ZNF324B: variants seen among roughly 807,000 people sequenced by gnomAD.
The protein encoded by ZNF324B is zinc finger protein 324B.
Under a neutral mutation model 10.6 loss-of-function variants are expected in ZNF324B, and 7 were observed. That is an observed-to-expected ratio of 0.66 (90% CI 0.38 to 1.24). The LOEUF (loss-of-function observed/expected upper bound fraction) is 1.24, where lower values mean the gene tolerates loss of function less well. Among genes scored for constraint, ZNF324B ranks in the 50% most tolerant of loss-of-function variants. The pLI, the probability that ZNF324B is intolerant of heterozygous loss-of-function variation, is 0.02. For missense variants in ZNF324B, 640 were observed against 764.7 expected, an observed-to-expected ratio of 0.84 and a Z score of 1.92; for synonymous variants, 316 against 321.0, an observed-to-expected ratio of 0.98 and a Z score of 0.17.
the ZNF324B span, among the ~76,000 whole-genome samples, chr19:58,419,499 G>C: frequency 1.3e-5 from 2 of 152,200 alleles, no homozygotes; most frequent in Admixed American, 1.3e-4. Context: ...AGCAACTGAG[G>C]TTTCCTGGGG....
chr19:58,430,427 G>T, the ZNF324B span: 1 of 152,258 alleles, frequency 6.6e-6, no homozygotes, highest in African/African-American at 2.4e-5. Context: ...AACTAATACA[G>T]ATGGCTTCTG....
At chr19:58,453,493 CAAG>C (rs936447033) in intron 1 of ZNF324B, among the ~76,000 whole-genome samples, 200 bp from the exon 2 acceptor site, 1 of 151,882 alleles carries the variant, frequency 6.6e-6, no homozygotes, top group African/African-American at 2.4e-5. Flanking sequence ...GTGGGGAAGT[CAAG>C]AAGCCATCTG....
At position 58,452,255 on chromosome 19, in the gene ZNF324B, G is replaced by T. The variant is rs538262406; in HGVS notation, c.-7+551G>T. On this transcript the variant is annotated intron_variant, in intron 1 of 3. Coordinates refer to ENST00000336614, the MANE Select transcript of ZNF324B (RefSeq NM_207395.3). ...AGCCCAGATGCTTCTGGGACTGAGC[G>T]CTCTCGATGTGGAGCTGGAGTAGAG... is the stretch of plus-strand genomic sequence containing the variant. 6.7e-3 allele frequency: 1,019 copies of T among 151,152 alleles called. 5 individuals are homozygous for T. The highest frequency in any genetic ancestry group is 0.01 in the Non-Finnish European group (693 of 67,592). The allele number at this position is 151,152 out of a possible 1,614,324, so 9.4% of individuals were successfully genotyped here.
At position 58,451,678 on chromosome 19, in the gene ZNF324B, C is replaced by T. The variant is rs754111073; in HGVS notation, c.-33C>T. 6.0e-6 allele frequency: 3 copies of T among 502,886 alleles called. No homozygotes were observed. The highest frequency in any genetic ancestry group is 2.0e-5 in the Admixed American group (1 of 48,886). 31.2% of individuals were successfully genotyped at this position (502,886 alleles called of 1,614,324 possible). ...GTGGTCTGGGCTGTGGCGCGCGGGT[C>T]GGGGCCCGAGGCGGGCGGCCAGGAA... On this transcript the variant is annotated 5_prime_UTR_variant, in exon 1 of 4. Coordinates refer to ENST00000336614, the MANE Select transcript of ZNF324B (RefSeq NM_207395.3).
the ZNF324B span, chr19:58,439,921 G>A: frequency 1.6e-5 from 20 of 1,272,028 alleles, no homozygotes; most frequent in South Asian, 8.3e-5. Flanking sequence ...TGCAAAATGC[G>A]CGCAAGGCCT....
rs776334619 is a variant in ZNF324B at position 58,456,375 on chromosome 19, C to T, written c.1431C>T (p.Gly477=). Residue 477 remains glycine, a synonymous_variant, in exon 4 of 4, where the codon GGC becomes GGT. Transcript: ENST00000336614. The surrounding 1 kb of genome is among the most constrained non-coding windows in gnomAD (Gnocchi z 4.7). ...TCAGCCACCGGCGCATTCACACGGG[C>T]GAGAAGCCCTTCGTGTGCACGCAGT... is the stretch of plus-strand genomic sequence containing the variant. ...VLLSHRRIHT[G]EKPFVCTQCG... The T allele has an allele frequency of 6.2e-7, 1 of 1,612,906 alleles. No homozygotes were observed. Among genetic ancestry groups the T allele is most frequent in the Non-Finnish European group, 8.5e-7 (1 of 1,180,010 alleles).
At chr19:58,422,517 C>CA in the ZNF324B span, among the ~76,000 whole-genome samples, 29 of 151,996 alleles carry the variant, frequency 1.9e-4, no homozygotes, top group Non-Finnish European at 3.2e-4. Flanking sequence ...TAGACCCCAC[C>CA]AAAAAAACTC....
Position 58,455,727 on chromosome 19 carries a change from G to A in ZNF324B, c.783G>A (p.Ala261=), listed in dbSNP as rs1256425358. The A allele has an allele frequency of 1.9e-6, 3 of 1,613,762 alleles. No homozygotes were observed. Among genetic ancestry groups the A allele is most frequent in the South Asian group, 1.1e-5 (1 of 91,062 alleles). ...HAGEKSFECR[A]CSKVFVKSSD... Reference sequence around the variant, plus strand: ...GGGAGAAGTCCTTCGAATGCAGGGCGTGCAGCAAAGTGTTCGTGAAGAGCT... The same window carrying A: ...GGGAGAAGTCCTTCGAATGCAGGGCATGCAGCAAAGTGTTCGTGAAGAGCT... The change falls in exon 4 of 4, where the codon GCG becomes GCA. Residue 261 remains alanine, a synonymous_variant. Coordinates refer to ENST00000336614, the MANE Select transcript of ZNF324B (RefSeq NM_207395.3). The surrounding 1 kb of genome is among the most constrained non-coding windows in gnomAD (Gnocchi z 7.0).
In ZNF324B at chr19:58,456,181, T is replaced by A; in HGVS notation, c.1237T>A (p.Phe413Ile). ...TGCCTTCAGCCAGGGCTCCTCGCTCTTTTTGCACCAGCGCGTGCACACAGG... is the reference window on the plus strand; with the variant it reads ...TGCCTTCAGCCAGGGCTCCTCGCTCATTTTGCACCAGCGCGTGCACACAGG... ...GAAFSQGSSL[F>I]LHQRVHTGEK... Residue 413 changes from phenylalanine (F) to isoleucine (I), a missense_variant, in exon 4 of 4, where the codon TTT becomes ATT. Around this residue, in one of 3 missense-constraint regions of ZNF324B, gnomAD observed 238 missense variants for 258.0 expected, o/e 0.92. Transcript: ENST00000336614. The surrounding 1 kb of genome is among the most constrained non-coding windows in gnomAD (Gnocchi z 4.7). 1.2e-6 allele frequency: 2 copies of A among 1,612,892 alleles called. No individual in the cohort carries two copies. Among genetic ancestry groups the A allele is most frequent in the Non-Finnish European group, 1.7e-6 (2 of 1,179,682 alleles).
the ZNF324B span, chr19:58,429,296 A>G: frequency 6.6e-6 from 1 of 152,240 alleles, no homozygotes; most frequent in Non-Finnish European, 1.5e-5. Flanking sequence ...CAGATCCAGG[A>G]GTGAGTGATT....
chr19:58,438,147 C>T, the ZNF324B span, among the ~76,000 whole-genome samples: 3 of 152,158 alleles, frequency 2.0e-5, no homozygotes, highest in African/African-American at 2.4e-5. Context: ...GCAAATCAAC[C>T]TAAACCAAAG....
upstream of ZNF324B, among the ~76,000 whole-genome samples, chr19:58,447,258 G>T (rs1008526598): frequency 6.6e-6 from 1 of 152,140 alleles, no homozygotes; most frequent in Admixed American, 6.5e-5. Flanking sequence ...GATTACTGGC[G>T]TGAGCCACCA....
the ZNF324B span, among the ~76,000 whole-genome samples, chr19:58,428,358 T>C: frequency 6.6e-6 from 1 of 152,218 alleles, no homozygotes; most frequent in South Asian, 2.1e-4. Flanking sequence ...ATTTATAAAA[T>C]CACATGCCAC....
chr19:58,421,211 G>A, the ZNF324B span, among the ~76,000 whole-genome samples: 1 of 152,146 alleles, frequency 6.6e-6, no homozygotes, highest in Non-Finnish European at 1.5e-5. Flanking sequence ...TCTTCAACCT[G>A]CTCTGGAGTA....
At chr19:58,422,251 G>A in the ZNF324B span, among the ~76,000 whole-genome samples, 1 of 152,068 alleles carries the variant, frequency 6.6e-6, no homozygotes, top group Non-Finnish European at 1.5e-5. Flanking sequence ...TCAACTAGGC[G>A]TAGAAGGAAC....
chr19:58,432,367 AC>A, the ZNF324B span: 3 of 508,208 alleles, frequency 5.9e-6, no homozygotes, highest in African/African-American at 5.8e-5. Flanking sequence ...TGTTCTGCAC[AC>A]CCTCACCCTG....
At chr19:58,434,485 T>G in the ZNF324B span, 9 of 1,614,256 alleles carry the variant, frequency 5.6e-6, no homozygotes, top group Non-Finnish European at 7.6e-6. Flanking sequence ...TGCAATGCAC[T>G]CATAATATTT....
chr19:58,420,720 T>C, the ZNF324B span, among the ~76,000 whole-genome samples: 1 of 151,722 alleles, frequency 6.6e-6, no homozygotes, highest in Non-Finnish European at 1.5e-5. Context: ...TTTTATTTTA[T>C]TTTTTTTGAG....
chr19:58,446,163 G>T, the ZNF324B span, among the ~76,000 whole-genome samples: 1 of 152,078 alleles, frequency 6.6e-6, no homozygotes, highest in African/African-American at 2.4e-5. Flanking sequence ...ACAAAACCCA[G>T]CCCTACATGA....
Sources: allele counts gnomAD v4.1 joint callset (sites outside exome capture counted in the v4.1 genomes callset), GRCh38; gene constraint gnomAD v4.1.1; regional missense constraint gnomAD v4.1.1; non-coding constraint Gnocchi (gnomAD v3.1); transcripts MANE v1.5; gene names NCBI Gene and HGNC (gene_info 2026-07-23, HGNC 2026-07-21).